Variants in CFAP61 observed in about 807,000 individuals in gnomAD.
CFAP61 encodes cilia and flagella associated protein 61, also known as cilia- and flagella-associated protein 61.
CFAP61 carries 107 observed loss-of-function variants against 135.6 expected under a neutral mutation model. That is an observed-to-expected ratio of 0.79 (90% CI 0.67 to 0.93). CFAP61 has a LOEUF of 0.93. CFAP61 is among the 40% of genes least tolerant of loss of function. The probability of loss-of-function intolerance (pLI) is 0.00; values close to 1 mark genes in which losing one functional copy is unlikely to be tolerated. For synonymous variants in CFAP61, 575 were observed against 578.5 expected (o/e 0.99, Z 0.09); for missense variants, 1,507 against 1,556.2 (o/e 0.97, Z 0.53).
At chr20:20,355,786 G>A (rs367967761) in intron 26 of CFAP61, among the ~76,000 whole-genome samples, 2 of 133,998 alleles carry the variant, frequency 1.5e-5, no homozygotes, top group African/African-American at 3.0e-5. Context: ...AGGGGAGGTG[G>A]TCACACTGAG....
At chr20:20,107,902 C>G (rs952969425) in intron 8 of CFAP61, 1 of 152,130 alleles carries the variant, frequency 6.6e-6, no homozygotes, top group African/African-American at 2.4e-5. Flanking sequence ...GCTGGAATTG[C>G]AGGGATGAGC....
intron 17 of CFAP61, chr20:20,215,205 C>T (rs1222933158): frequency 1.3e-5 from 2 of 152,224 alleles, no homozygotes; most frequent in East Asian, 1.9e-4. Context: ...TTCTGGTTCA[C>T]CTCCCACACG....
intron 18 of CFAP61, among the ~76,000 whole-genome samples, chr20:20,242,883 G>A (rs2050117221): frequency 6.6e-6 from 1 of 152,172 alleles, no homozygotes; most frequent in African/African-American, 2.4e-5. Flanking sequence ...GGATCCCTCT[G>A]AACAATTTGA....
intron 25 of CFAP61, among the ~76,000 whole-genome samples, chr20:20,304,027 C>A (rs909068673): frequency 6.6e-6 from 1 of 152,100 alleles, no homozygotes; most frequent in Non-Finnish European, 1.5e-5. Context: ...CCGAGGCCTC[C>A]CAGGCAGACC....
At chr20:20,097,214 C>T (rs1352641692) in intron 7 of CFAP61, among the ~76,000 whole-genome samples, 3 of 151,364 alleles carry the variant, frequency 2.0e-5, no homozygotes, top group African/African-American at 4.9e-5. Context: ...ATGCTGCGTT[C>T]TTGGGAATAG....
rs2047231091 is a variant in CFAP61, at chr20:20,091,922, T to C, written c.699+946T>C. Among the ~76,000 whole-genome samples the C allele has an allele frequency of 2.0e-5, 3 of 152,342 alleles. No homozygotes were observed. In the South Asian group the frequency reaches 6.2e-4, roughly 32 times the overall value. On this transcript the variant is annotated intron_variant, in intron 7 of 26. Transcript: ENST00000245957. ...GAGGTGAACTCCTGACCTCAGGTGA[T>C]CCGCCCGCCTTGGCCTCCCAAAGTG...
intron 20 of CFAP61, among the ~76,000 whole-genome samples, chr20:20,257,903 T>G (rs1054476634): frequency 6.6e-6 from 1 of 152,186 alleles, no homozygotes; most frequent in Non-Finnish European, 1.5e-5. Flanking sequence ...CTCTTATATT[T>G]AGAAGAAATA....
intron 24 of CFAP61, among the ~76,000 whole-genome samples, chr20:20,295,749 A>G (rs1341081294): frequency 6.7e-6 from 1 of 149,704 alleles, no homozygotes. Flanking sequence ...ATGCGCCCCC[A>G]CCCCCACCCC....
intron 8 of CFAP61, among the ~76,000 whole-genome samples, chr20:20,121,150 A>G (rs1377427953): frequency 7.6e-6 from 1 of 131,094 alleles, no homozygotes; most frequent in Non-Finnish European, 1.5e-5. Flanking sequence ...TCTGTCACCC[A>G]GGCTGGAGTG....
At chr20:20,326,605 T>G (rs1263490899) in intron 25 of CFAP61, among the ~76,000 whole-genome samples, 3 of 152,202 alleles carry the variant, frequency 2.0e-5, no homozygotes, top group African/African-American at 4.8e-5. Flanking sequence ...TAATTCATGT[T>G]TTTTCCTATG....
At chr20:20,094,980 TCTGCAAA>T (rs2047461926) in intron 7 of CFAP61, among the ~76,000 whole-genome samples, 1 of 152,204 alleles carries the variant, frequency 6.6e-6, no homozygotes. Flanking sequence ...CCTCAGGAAC[TCTGCAAA>T]CTGCTTGTTA....
chr20:20,100,992 C>G (rs2146643119), intron 8 of CFAP61, among the ~76,000 whole-genome samples: 1 of 152,292 alleles, frequency 6.6e-6, no homozygotes, highest in Non-Finnish European at 1.5e-5. Flanking sequence ...GCTTTATGTT[C>G]ATTGACACAA....
At chr20:20,226,995 C>T (rs1023836107) in intron 17 of CFAP61, among the ~76,000 whole-genome samples, 5 of 152,212 alleles carry the variant, frequency 3.3e-5, no homozygotes, top group African/African-American at 1.2e-4. Context: ...AAATTTCTAT[C>T]AATATATTGT....
intron 13 of CFAP61, among the ~76,000 whole-genome samples, chr20:20,178,466 C>T (rs966101437): frequency 8.5e-5 from 13 of 152,232 alleles, no homozygotes; most frequent in African/African-American, 2.9e-4. Context: ...AACTGGTTGC[C>T]CACTCCATCT....
rs200288606 is a variant in CFAP61 at position 20,119,515 on chromosome 20, A to C, written c.859+20701A>C. 2.2e-4 allele frequency among the ~76,000 whole-genome samples: 34 copies of C among 152,192 alleles called. No homozygotes were observed. In the East Asian group the frequency reaches 3.7e-3, roughly 16 times the overall value. On this transcript the variant is annotated intron_variant, in intron 8 of 26. Transcript: ENST00000245957. Reference sequence around the variant, plus strand: ...GTCTTTTCTCTCTTTTTCTTAGTCTAGCTAAAGGTTTGTCTATTTTTGTAC... The same window carrying C: ...GTCTTTTCTCTCTTTTTCTTAGTCTCGCTAAAGGTTTGTCTATTTTTGTAC...
chr20:20,216,564 T>A (rs1369033954), intron 17 of CFAP61, among the ~76,000 whole-genome samples: 1 of 152,204 alleles, frequency 6.6e-6, no homozygotes, highest in Non-Finnish European at 1.5e-5. Context: ...TGCCAGGACT[T>A]CTGGGCATGG....
At chr20:20,098,608 A>AAAAG in intron 7 of CFAP61, 47 bp from the exon 8 acceptor site, 1 of 685,224 alleles carries the variant, frequency 1.5e-6, no homozygotes, top group Non-Finnish European at 1.9e-6. Context: ...ACTTTGTCTC[A>AAAAG]AAAAAAAAAA....
At chr20:20,078,191 A>G (rs896454983) in intron 6 of CFAP61, among the ~76,000 whole-genome samples, 1 of 152,256 alleles carries the variant, frequency 6.6e-6, no homozygotes, top group Non-Finnish European at 1.5e-5. Context: ...CCAAAGGGAA[A>G]GTATAATGAG....
At chr20:20,179,260 A>G (rs1476881221) in intron 13 of CFAP61, among the ~76,000 whole-genome samples, 1 of 152,186 alleles carries the variant, frequency 6.6e-6, no homozygotes, top group Non-Finnish European at 1.5e-5. Context: ...TCAAATCAAG[A>G]GTGCAATCCC....
Sources: gnomAD v4.1 joint callset for allele counts (sites outside exome capture counted in the v4.1 genomes callset) on GRCh38, gnomAD v4.1.1 for gene constraint, MANE v1.5 for transcripts, NCBI Gene and HGNC (gene_info 2026-07-23, HGNC 2026-07-21) for gene names.